Variants in PRR16 observed in about 807,000 individuals in gnomAD.
PRR16 encodes protein Largen.
Under a neutral mutation model 18.2 loss-of-function variants are expected in PRR16, and 6 were observed. That is an observed-to-expected ratio of 0.33 (90% CI 0.18 to 0.65). The LOEUF is 0.65. Ranked by LOEUF, PRR16 falls within the 30% of genes least tolerant of loss-of-function variation. The probability of loss-of-function intolerance (pLI) is 0.74; values close to 1 mark genes in which losing one functional copy is unlikely to be tolerated. For missense variants in PRR16, 412 were observed against 376.6 expected (o/e 1.09, Z -0.78); for synonymous variants, 151 against 147.8 (o/e 1.02, Z -0.16).
intron 1 of PRR16, among the ~76,000 whole-genome samples, chr5:120,594,448 A>G (rs1753737748): frequency 6.6e-6 from 1 of 152,112 alleles, no homozygotes; most frequent in Non-Finnish European, 1.5e-5. Context: ...GCTGAAAAGA[A>G]ATCAGAGATG....
At chr5:120,783,952 G>A in the PRR16 span, among the ~76,000 whole-genome samples, 1 of 152,002 alleles carries the variant, frequency 6.6e-6, no homozygotes, top group South Asian at 2.1e-4. Context: ...ACCTATGAAC[G>A]AGAACATGTG....
rs75335156 is a variant in PRR16 at position 120,674,228 on chromosome 5, C to A, written c.160-11726C>A. ...AATTGTCCTTCATACCTGCATGCCGCTGTATATGCTGTTGTCTCTGCCCCC... is the reference window on the plus strand; with the variant it reads ...AATTGTCCTTCATACCTGCATGCCGATGTATATGCTGTTGTCTCTGCCCCC... On this transcript the variant is annotated intron_variant, in intron 1 of 1. Transcript: ENST00000407149. 1.6e-3 allele frequency among the ~76,000 whole-genome samples: 244 copies of A among 152,116 alleles called. 1 individual carries two copies. The highest frequency in any genetic ancestry group is 1.6e-3 in the Non-Finnish European group (112 of 68,008).
At chr5:120,740,490 G>A in the PRR16 span, among the ~76,000 whole-genome samples, 6 of 151,988 alleles carry the variant, frequency 3.9e-5, no homozygotes, top group African/African-American at 1.4e-4. Flanking sequence ...CCACACTTTA[G>A]TACTGTACTG....
chr5:120,766,407 C>CT, the PRR16 span, among the ~76,000 whole-genome samples: 2 of 151,708 alleles, frequency 1.3e-5, no homozygotes, highest in African/African-American at 4.8e-5. Context: ...CCAATGTGAA[C>CT]CCTCTATTCA....
intron 1 of PRR16, among the ~76,000 whole-genome samples, chr5:120,588,503 A>G (rs1753526445): frequency 6.6e-6 from 1 of 152,230 alleles, no homozygotes; most frequent in South Asian, 2.1e-4. Flanking sequence ...TTCTACCATT[A>G]GAAGGATTTC....
At chr5:120,786,011 A>AT in the PRR16 span, among the ~76,000 whole-genome samples, 2 of 147,804 alleles carry the variant, frequency 1.4e-5, no homozygotes, top group South Asian at 2.1e-4. Flanking sequence ...CAAGTTTTTC[A>AT]TTTTTTGTAG....
At chr5:120,575,354 C>CACACACACACACACA (rs397698033) in intron 1 of PRR16, among the ~76,000 whole-genome samples, 1 of 150,376 alleles carries the variant, frequency 6.6e-6, no homozygotes, top group Non-Finnish European at 1.5e-5. Flanking sequence ...CACACACACA[C>CACACACACACACACA]GAAAACTACC....
chr5:120,603,009 A>G (rs1014993809), intron 1 of PRR16, among the ~76,000 whole-genome samples: 5 of 152,028 alleles, frequency 3.3e-5, no homozygotes, highest in African/African-American at 1.2e-4. Context: ...CATTAGGAAT[A>G]TTGGCCTGCA....
intron 1 of PRR16, among the ~76,000 whole-genome samples, chr5:120,614,853 G>T (rs1754454095): frequency 6.6e-6 from 1 of 152,154 alleles, no homozygotes; most frequent in Non-Finnish European, 1.5e-5. Context: ...CTTTCACTTT[G>T]CCATGAGGAG....
rs569432604 is a variant in PRR16 at position 120,534,170 on chromosome 5, T to C, written c.159+69525T>C. Among the ~76,000 whole-genome samples the C allele has an allele frequency of 4.1e-4, 63 of 152,208 alleles. No individual in the cohort carries two copies. In the South Asian group the frequency reaches 7.3e-3, roughly 18 times the overall value. On this transcript the variant is annotated intron_variant, in intron 1 of 1. Transcript: ENST00000407149. ...GTGGCAGAGATCTGAGAGATATAAATTGGGTTGCCATTGGCAAATGGATAC... is the reference window on the plus strand; with the variant it reads ...GTGGCAGAGATCTGAGAGATATAAACTGGGTTGCCATTGGCAAATGGATAC...
chr5:120,761,994 T>C, the PRR16 span, among the ~76,000 whole-genome samples: 1 of 152,184 alleles, frequency 6.6e-6, no homozygotes, highest in Admixed American at 6.6e-5. Flanking sequence ...TGTGCTTGGC[T>C]AATTTTACAT....
chr5:120,618,518 T>G (rs1754585710), intron 1 of PRR16: 2 of 961,322 alleles, frequency 2.1e-6, no homozygotes, highest in Non-Finnish European at 2.5e-6. Flanking sequence ...GGGAATGGTA[T>G]TTGGAATTTA....
At chr5:120,525,826 G>T (rs1221192398) in intron 1 of PRR16, among the ~76,000 whole-genome samples, 1 of 152,096 alleles carries the variant, frequency 6.6e-6, no homozygotes, top group East Asian at 1.9e-4. Flanking sequence ...TCAAGTTGGT[G>T]CAATAGATGT....
chr5:120,470,402 A>G, intron 1 of PRR16, among the ~76,000 whole-genome samples: 1 of 152,308 alleles, frequency 6.6e-6, no homozygotes, highest in Non-Finnish European at 1.5e-5. Context: ...CCACATAAAA[A>G]TAAGTATACT....
At chr5:120,632,314 A>ACC (rs1223234430) in intron 1 of PRR16, among the ~76,000 whole-genome samples, 1 of 152,092 alleles carries the variant, frequency 6.6e-6, no homozygotes, top group Admixed American at 6.6e-5. Context: ...ATGGCAAAAC[A>ACC]AGGTTCTTTA....
chr5:120,739,625 C>CCT, the PRR16 span, among the ~76,000 whole-genome samples: 4 of 152,252 alleles, frequency 2.6e-5, no homozygotes, highest in South Asian at 8.3e-4. Flanking sequence ...CATAGGACGT[C>CCT]AACAACCCTA....
intron 1 of PRR16, among the ~76,000 whole-genome samples, chr5:120,647,930 A>G (rs1755651215): frequency 1.3e-5 from 2 of 152,094 alleles, no homozygotes; most frequent in South Asian, 4.1e-4. Flanking sequence ...ACAGCAATAA[A>G]TGCATATTTA....
chr5:120,655,024 T>C (rs1335282522), intron 1 of PRR16, among the ~76,000 whole-genome samples: 1 of 152,058 alleles, frequency 6.6e-6, no homozygotes, highest in African/African-American at 2.4e-5. Context: ...AGTATTCATA[T>C]ATGCATTCTT....
At chr5:120,642,798 A>G (rs1755466409) in intron 1 of PRR16, among the ~76,000 whole-genome samples, 1 of 152,002 alleles carries the variant, frequency 6.6e-6, no homozygotes, top group South Asian at 2.1e-4. Flanking sequence ...CCATAGGCAC[A>G]CGAAAACACT....
Sources: gnomAD v4.1 joint callset for allele counts (sites outside exome capture counted in the v4.1 genomes callset) on GRCh38, gnomAD v4.1.1 for gene constraint, MANE v1.5 for transcripts, NCBI Gene and HGNC (gene_info 2026-07-23, HGNC 2026-07-21) for gene names.